The following SCAPER variants were observed in gnomAD, a reference collection of about 807,000 sequenced individuals.
SCAPER encodes the protein S-phase cyclin A associated protein in the ER.
SCAPER carries 98 observed loss-of-function variants against 182.2 expected under a neutral mutation model. That is an observed-to-expected ratio of 0.54 (90% CI 0.46 to 0.64). The LOEUF (loss-of-function observed/expected upper bound fraction) is 0.64. SCAPER is among the 30% of genes least tolerant of loss of function. The pLI is 0.00. For synonymous variants in SCAPER, 605 were observed against 564.6 expected (o/e 1.07, Z -1.01); for missense variants, 1,432 against 1,690.0 (o/e 0.85, Z 2.68).
chr15:76,704,865 A>T (rs1187814001), intron 18 of SCAPER, among the ~76,000 whole-genome samples: 1 of 152,218 alleles, frequency 6.6e-6, no homozygotes, highest in Non-Finnish European at 1.5e-5. Context: ...CACACCAGTT[A>T]GAATGGCGAT....
chr15:76,568,461 T>C (rs549538771), intron 23 of SCAPER, among the ~76,000 whole-genome samples: 3 of 152,048 alleles, frequency 2.0e-5, no homozygotes, highest in Admixed American at 6.6e-5. Flanking sequence ...GTTCGAGTGA[T>C]TCTCCTGTCT....
At chr15:76,499,355 A>G (rs2040887720) in intron 24 of SCAPER, among the ~76,000 whole-genome samples, 1 of 152,222 alleles carries the variant, frequency 6.6e-6, no homozygotes. Context: ...TGATTGTTAA[A>G]TAAATGTAAT....
At chr15:76,873,274 AAAGGAAGGAAGGAAGGAAGG>A (rs1186656853) in intron 2 of SCAPER, among the ~76,000 whole-genome samples, 3 of 105,592 alleles carry the variant, frequency 2.8e-5, no homozygotes, top group African/African-American at 1.1e-4. Flanking sequence ...AAAGAAAGGA[AAAGGAAGGAAGGAAGGAAGG>A]AAGGAAGGAA....
intron 22 of SCAPER, among the ~76,000 whole-genome samples, chr15:76,585,857 G>A (rs1488919074): frequency 6.6e-6 from 1 of 152,152 alleles, no homozygotes; most frequent in Non-Finnish European, 1.5e-5. Context: ...AGCTCTGAGA[G>A]CTATATTTTC....
At chr15:76,818,648 C>T (rs893514948) in intron 5 of SCAPER, among the ~76,000 whole-genome samples, 5 of 152,226 alleles carry the variant, frequency 3.3e-5, no homozygotes, top group African/African-American at 1.2e-4. Flanking sequence ...CAGTCTACAG[C>T]TCCCAGCGTG....
At chr15:76,890,183 T>A (rs1216846121) in intron 1 of SCAPER, among the ~76,000 whole-genome samples, 2 of 152,134 alleles carry the variant, frequency 1.3e-5, no homozygotes, top group Non-Finnish European at 2.9e-5. Context: ...TAGAGGGAAA[T>A]TTATAGCACT....
At chr15:76,670,855 G>C (rs2056962267) in intron 20 of SCAPER, among the ~76,000 whole-genome samples, 2 of 152,118 alleles carry the variant, frequency 1.3e-5, no homozygotes, top group Non-Finnish European at 2.9e-5. Flanking sequence ...TTCTAAGAGA[G>C]AGATCACCTT....
chr15:76,773,392 AC>A (rs978778000), intron 9 of SCAPER, among the ~76,000 whole-genome samples: 2 of 151,944 alleles, frequency 1.3e-5, no homozygotes, highest in African/African-American at 4.8e-5. Flanking sequence ...TATTCACTAC[AC>A]ACATTGCATA....
chr15:76,595,665 C>A (rs571812566), intron 22 of SCAPER, among the ~76,000 whole-genome samples: 1 of 122,236 alleles, frequency 8.2e-6, no homozygotes, highest in African/African-American at 2.5e-5. Flanking sequence ...GAAACTCACT[C>A]AAAACTGCAC....
intron 20 of SCAPER, among the ~76,000 whole-genome samples, chr15:76,695,591 C>T (rs573873939): frequency 8.6e-5 from 12 of 140,164 alleles, no homozygotes; most frequent in African/African-American, 2.3e-4. Context: ...AGCAAGACTC[C>T]GTCTCAAAAA....
At chr15:76,506,184 A>C (rs532802223) in intron 23 of SCAPER, among the ~76,000 whole-genome samples, 1 of 152,280 alleles carries the variant, frequency 6.6e-6, no homozygotes, top group African/African-American at 2.4e-5. Flanking sequence ...AATAAGACCT[A>C]GTACTTGATA....
intron 23 of SCAPER, among the ~76,000 whole-genome samples, chr15:76,560,887 T>C (rs1449236732): frequency 6.6e-6 from 1 of 152,164 alleles, no homozygotes; most frequent in Non-Finnish European, 1.5e-5. Context: ...TAATGTATTA[T>C]ATTAAGGAGA....
At chr15:76,413,978 T>G (rs2045479318) in intron 26 of SCAPER, among the ~76,000 whole-genome samples, 2 of 152,328 alleles carry the variant, frequency 1.3e-5, no homozygotes, top group African/African-American at 2.4e-5. Context: ...TCATGGTTCT[T>G]GATAAGTTAA....
chr15:76,394,179 T>C (rs1010093583), intron 27 of SCAPER, among the ~76,000 whole-genome samples: 1 of 152,184 alleles, frequency 6.6e-6, no homozygotes. Context: ...AGTCTGCATG[T>C]TGCCAAGGAG....
In SCAPER at chr15:76,505,034, T is replaced by C. The variant is rs2041456303; in HGVS notation, c.2839-60A>G. The C allele has an allele frequency of 3.4e-6, 4 of 1,191,662 alleles. No individual in the cohort carries two copies. In the Admixed American group the frequency reaches 6.2e-5, roughly 18 times the overall value. The allele number at this position is 1,191,662 out of a possible 1,614,324, so 73.8% of individuals were successfully genotyped here. A position where few individuals can be genotyped will look rare whatever the true frequency, so the allele number is the denominator to read the frequency against. On this transcript the variant is annotated intron_variant, in intron 23 of 31. Coordinates refer to ENST00000563290, the MANE Select transcript of SCAPER (RefSeq NM_020843.4). ...TCCCAGGCATTAAACTATAACCAAA[T>C]GATATCTGTAGTCTGAAACATACTG...
At chr15:76,460,502 G>A (rs1329504910) in intron 25 of SCAPER, among the ~76,000 whole-genome samples, 1 of 152,020 alleles carries the variant, frequency 6.6e-6, no homozygotes, top group Non-Finnish European at 1.5e-5. Flanking sequence ...AACTGCAAAT[G>A]GGGACAATTT....
At chr15:76,791,994 G>A (rs1250865710) in intron 8 of SCAPER, among the ~76,000 whole-genome samples, 2 of 149,724 alleles carry the variant, frequency 1.3e-5, no homozygotes, top group Non-Finnish European at 3.0e-5. Flanking sequence ...CTTTGGGAGG[G>A]GACTTGGGTG....
At chr15:76,638,626 T>C (rs913996706) in intron 21 of SCAPER, among the ~76,000 whole-genome samples, 1 of 152,220 alleles carries the variant, frequency 6.6e-6, no homozygotes, top group Non-Finnish European at 1.5e-5. Context: ...TTCATAAATA[T>C]TTTCTATTAA....
chr15:76,383,900 G>T (rs1336372441), intron 27 of SCAPER, among the ~76,000 whole-genome samples: 3 of 152,152 alleles, frequency 2.0e-5, no homozygotes, highest in Non-Finnish European at 4.4e-5. Flanking sequence ...TTGTCGAGGG[G>T]AGATATTTTT....
Sources: allele counts gnomAD v4.1 joint callset (sites outside exome capture counted in the v4.1 genomes callset), GRCh38; gene constraint gnomAD v4.1.1; transcripts MANE v1.5; gene names NCBI Gene and HGNC (gene_info 2026-07-23, HGNC 2026-07-21).